Variants in BTNL9 observed in about 807,000 individuals in gnomAD.
BTNL9 encodes the protein butyrophilin like 9, also known as butyrophilin-like protein 9.
Under a neutral mutation model 45.8 loss-of-function variants are expected in BTNL9, and 45 were observed. The observed-to-expected ratio is 0.98, with a 90% CI of 0.77 to 1.26. The LOEUF (loss-of-function observed/expected upper bound fraction) is 1.26. BTNL9 is among the 50% of genes most tolerant of loss of function. The probability of loss-of-function intolerance (pLI) is 0.00; values close to 1 mark genes in which losing one functional copy is unlikely to be tolerated. For missense variants in BTNL9, 784 were observed against 729.7 expected, an observed-to-expected ratio of 1.07 and a Z score of -0.86; for synonymous variants, 346 against 330.8, an observed-to-expected ratio of 1.05 and a Z score of -0.50.
In BTNL9 at chr5:181,060,129, A is replaced by T; in HGVS notation, c.*267A>T. The T allele has an allele frequency of 4.5e-6, 2 of 442,794 alleles. No homozygotes were observed. Among genetic ancestry groups the T allele is most frequent in the Non-Finnish European group, 4.0e-6 (1 of 252,848 alleles). The allele number at this position is 442,794 out of a possible 1,614,324, so 27.4% of individuals were successfully genotyped here. On this transcript the variant is annotated 3_prime_UTR_variant, in exon 11 of 11. Transcript: ENST00000327705. ...CACGTCGCTCAGAGCTGGGGTGCTC[A>T]CGGTGGGCGGTGGGCAAGAAGCCAG...
Position 181,053,691 on chromosome 5 carries a change from G to T in BTNL9, c.886+190G>T, listed in dbSNP as rs1341874410. ...TCATATGGACAAAAGCGGAGGTGCG[G>T]AACGGCTGCATTTTCCACGGAGGCT... On this transcript the variant is annotated intron_variant, in intron 6 of 10. Coordinates refer to ENST00000327705, the MANE Select transcript of BTNL9 (RefSeq NM_152547.5). This position sits in a 1 kb window ranked among gnomAD's most constrained non-coding sequence, Gnocchi z 6.5. The T allele has an allele frequency of 6.6e-7, 1 of 1,514,464 alleles. No homozygotes were observed. Among genetic ancestry groups the T allele is most frequent in the Non-Finnish European group, 8.9e-7 (1 of 1,128,764 alleles). 93.8% of individuals were successfully genotyped at this position (1,514,464 alleles called of 1,614,324 possible).
chr5:181,053,258 G>A lies in BTNL9; in HGVS notation c.795G>A (p.Leu265=). The change falls in exon 5 of 11, where the codon CTG becomes CTA. Residue 265 remains leucine, a synonymous_variant. Transcript: ENST00000327705. The surrounding 1 kb of genome is among the most constrained non-coding windows in gnomAD (Gnocchi z 6.5). ...WKSAFVATLP[L]LLVLAALALG... is the part of the protein sequence containing the mutation. ...GCGCGTTCGTCGCGACCCTGCCGCT[G>A]CTGTTGGTCCTCGCGGCGCTGGCGC... is the stretch of plus-strand genomic sequence containing the variant. The A allele has an allele frequency of 6.3e-7, 1 of 1,589,566 alleles. No individual in the cohort carries two copies. The highest frequency in any genetic ancestry group is 1.4e-5 in the African/African-American group (1 of 71,902).
Position 181,055,074 on chromosome 5 carries a change from T to G in BTNL9, c.908-359T>G. On this transcript the variant is annotated intron_variant, in intron 7 of 10. Transcript: ENST00000327705. The surrounding 1 kb of genome is among the most constrained non-coding windows in gnomAD (Gnocchi z 4.4). The stretch of plus-strand genomic sequence containing the variant: ...CCGGTGAGTGACCGTGAGGCTCACG[T>G]AGGCGGCCCTCAGTGCCTGCACTTA... 1 of 1,094,242 alleles carries G rather than the reference T, an allele frequency of 9.1e-7. No homozygotes were observed. Among genetic ancestry groups the G allele is most frequent in the African/African-American group, 1.6e-5 (1 of 60,930 alleles). 67.8% of individuals were successfully genotyped at this position (1,094,242 alleles called of 1,614,324 possible).
intron 2 of BTNL9, among the ~76,000 whole-genome samples, chr5:181,045,885 GC>G (rs1761102167): frequency 4.1e-5 from 2 of 49,140 alleles, no homozygotes; most frequent in African/African-American, 9.1e-5. Flanking sequence ...CATCTCCCCA[GC>G]CCCCGACACC....
In BTNL9 at chr5:181,055,665, A is replaced by C; in HGVS notation, c.928+212A>C. The C allele has an allele frequency of 1.5e-6, 1 of 687,122 alleles. No individual in the cohort carries two copies. Among genetic ancestry groups the C allele is most frequent in the Non-Finnish European group, 2.5e-6 (1 of 392,448 alleles). The allele number at this position is 687,122 out of a possible 1,614,324, so 42.6% of individuals were successfully genotyped here. On this transcript the variant is annotated intron_variant, in intron 8 of 10. Coordinates refer to ENST00000327705, the MANE Select transcript of BTNL9 (RefSeq NM_152547.5). The surrounding 1 kb of genome is among the most constrained non-coding windows in gnomAD (Gnocchi z 4.4). ...GTGCCTGTAGTCCCAGCTACATGGGAGGCTGAGGCAGGAGAAGGGCGTGAA... is the reference window on the plus strand; with the variant it reads ...GTGCCTGTAGTCCCAGCTACATGGGCGGCTGAGGCAGGAGAAGGGCGTGAA...
intron 1 of BTNL9, among the ~76,000 whole-genome samples, chr5:181,044,976 C>G (rs1761012770): frequency 6.6e-6 from 1 of 152,356 alleles, no homozygotes; most frequent in African/African-American, 2.4e-5. Flanking sequence ...GAGCAGAACT[C>G]TGTGTTTGTT....
intron 10 of BTNL9, 72 bp downstream of exon 10, chr5:181,058,450 C>A: frequency 6.2e-7 from 1 of 1,606,664 alleles, no homozygotes; most frequent in Non-Finnish European, 8.5e-7. Context: ...GTGGAGAGAT[C>A]TGAGATTAGA....
intron 2 of BTNL9, among the ~76,000 whole-genome samples, 173 bp from the exon 3 acceptor site, chr5:181,047,754 A>G (rs1249567476): frequency 6.6e-6 from 1 of 152,146 alleles, no homozygotes; most frequent in South Asian, 2.1e-4. Context: ...CGTGCACTCA[A>G]CGTTTTTTCG....
At chr5:181,045,859 T>G (rs1426971915) in intron 2 of BTNL9, among the ~76,000 whole-genome samples, 11 of 35,762 alleles carry the variant, frequency 3.1e-4, no homozygotes, top group African/African-American at 5.6e-4. Flanking sequence ...CTCCCCAGCC[T>G]GTAGTGTTCC....
rs373399452 is a variant in BTNL9, at chr5:181,055,491, C to T, written c.928+38C>T. On this transcript the variant is annotated intron_variant, in intron 8 of 10. Transcript: ENST00000327705. The surrounding 1 kb of genome is among the most constrained non-coding windows in gnomAD (Gnocchi z 4.4). ...TCTTAGAACTATTTCTCCTCAGGGC[C>T]GGGTCCAGTGGCTCACACCTGTAAT... is the stretch of plus-strand genomic sequence containing the variant. The T allele has an allele frequency of 5.5e-5, 88 of 1,611,842 alleles. No homozygotes were observed. In the African/African-American group the frequency reaches 7.3e-4, roughly 13 times the overall value.
In BTNL9 at chr5:181,053,135, G is replaced by A. The variant is rs563705763; in HGVS notation, c.737-65G>A. 1.3e-4 allele frequency: 174 copies of A among 1,372,684 alleles called. No homozygotes were observed. The Admixed American group carries it at 1.9e-3, about 15-fold the overall frequency. The allele number at this position is 1,372,684 out of a possible 1,614,324, so 85.0% of individuals were successfully genotyped here. A position where few individuals can be genotyped will look rare whatever the true frequency, so the allele number is the denominator to read the frequency against. ...AGGTTTCCCGGCACGCGGCGGGCAG[G>A]CCGGTCTCGCCTCTCGGTGCTCAGC... On this transcript the variant is annotated intron_variant, in intron 4 of 10. Coordinates refer to ENST00000327705, the MANE Select transcript of BTNL9 (RefSeq NM_152547.5). The surrounding 1 kb of genome is among the most constrained non-coding windows in gnomAD (Gnocchi z 6.5).
At chr5:181,051,244 T>C (rs1286706213) in intron 4 of BTNL9, among the ~76,000 whole-genome samples, 2 of 152,130 alleles carry the variant, frequency 1.3e-5, no homozygotes, top group African/African-American at 4.8e-5. Flanking sequence ...TAAAGTCTTA[T>C]TATGAGGCAG....
Position 181,055,047 on chromosome 5 carries a change from A to AC in BTNL9, c.908-383dup. On this transcript the variant is annotated intron_variant, in intron 7 of 10. Transcript: ENST00000327705. This position sits in a 1 kb window ranked among gnomAD's most constrained non-coding sequence, Gnocchi z 4.4. The stretch of plus-strand genomic sequence containing the variant: ...GTCCTTCCAGTCCTTCAGATAACGC[A>AC]CCCGGTGAGTGACCGTGAGGCTCAC... The AC allele has an allele frequency of 1.0e-6, 1 of 985,396 alleles. No individual in the cohort carries two copies. The highest frequency in any genetic ancestry group is 1.2e-6 in the Non-Finnish European group (1 of 829,914). 61.0% of individuals were successfully genotyped at this position (985,396 alleles called of 1,614,324 possible).
In BTNL9 at chr5:181,050,412, T is replaced by C; in HGVS notation, c.736+43T>C. Reference sequence around the variant, plus strand: ...CACACCCATCTTCCTAGTCCTCATGTGTACATACACATTGGCCCAAAGGCA... The same window carrying C: ...CACACCCATCTTCCTAGTCCTCATGCGTACATACACATTGGCCCAAAGGCA... On this transcript the variant is annotated intron_variant, in intron 4 of 10. Transcript: ENST00000327705. This position sits in a 1 kb window ranked among gnomAD's most constrained non-coding sequence, Gnocchi z 4.9. 6.3e-7 allele frequency: 1 copy of C among 1,599,532 alleles called. No individual in the cohort carries two copies. The highest frequency in any genetic ancestry group is 2.2e-5 in the East Asian group (1 of 44,822).
chr5:181,054,013 G>A, intron 6 of BTNL9: 24 of 1,540,138 alleles, frequency 1.6e-5, no homozygotes, highest in Non-Finnish European at 2.0e-5. Context: ...CAGGAGGGAG[G>A]GCGCTGGGTC....
chr5:181,043,252 G>GTGCA (rs1296969448), intron 1 of BTNL9, among the ~76,000 whole-genome samples: 1 of 116,582 alleles, frequency 8.6e-6, no homozygotes, highest in Non-Finnish European at 1.8e-5. Context: ...CTGTGTGTGT[G>GTGCA]TGCATGGGTG....
Position 181,053,903 on chromosome 5 carries a change from C to T in BTNL9, c.887-336C>T. 6.6e-7 allele frequency: 1 copy of T among 1,508,398 alleles called. No individual in the cohort carries two copies. The highest frequency in any genetic ancestry group is 8.9e-7 in the Non-Finnish European group (1 of 1,129,516). 93.4% of individuals were successfully genotyped at this position (1,508,398 alleles called of 1,614,324 possible). A position where few individuals can be genotyped will look rare whatever the true frequency, so the allele number is the denominator to read the frequency against. On this transcript the variant is annotated intron_variant, in intron 6 of 10. Coordinates refer to ENST00000327705, the MANE Select transcript of BTNL9 (RefSeq NM_152547.5). This position sits in a 1 kb window ranked among gnomAD's most constrained non-coding sequence, Gnocchi z 6.5. ...ACAGGGTCAGGAAGCGGCGGTCAGG[C>T]ACCGAGAAAACAGCCCAGTTACGTG...
chr5:181,054,284 G>A, intron 7 of BTNL9, 25 bp downstream of exon 7: 8 of 1,609,040 alleles, frequency 5.0e-6, no homozygotes, highest in Non-Finnish European at 6.8e-6. Flanking sequence ...CGGGGCCACA[G>A]TGCTGCCTGT....
intron 3 of BTNL9, among the ~76,000 whole-genome samples, 153 bp downstream of exon 3, chr5:181,048,424 C>T (rs1389806542): frequency 1.3e-5 from 2 of 152,024 alleles, no homozygotes; most frequent in East Asian, 1.9e-4. Context: ...ACAAACAAAA[C>T]AAACAGTTCA....
Sources: gnomAD v4.1 joint callset for allele counts (sites outside exome capture counted in the v4.1 genomes callset) on GRCh38, gnomAD v4.1.1 for gene constraint, Gnocchi (gnomAD v3.1) non-coding constraint, MANE v1.5 for transcripts, NCBI Gene and HGNC (gene_info 2026-07-23, HGNC 2026-07-21) for gene names.